Variants in PCDH15 observed in about 807,000 individuals in gnomAD.
PCDH15 encodes protocadherin related 15.
PCDH15 carries 129 observed loss-of-function variants against 178.5 expected under a neutral mutation model. That is an observed-to-expected ratio of 0.72 (90% CI 0.63 to 0.84). The LOEUF (loss-of-function observed/expected upper bound fraction) is 0.84. Ranked by LOEUF, PCDH15 falls within the 40% of genes least tolerant of loss-of-function variation. The probability of loss-of-function intolerance (pLI) is 0.00; values close to 1 mark genes in which losing one functional copy is unlikely to be tolerated. For synonymous variants in PCDH15, 800 were observed against 732.0 expected (o/e 1.09, Z -1.50); for missense variants, 2,230 against 2,099.9 (o/e 1.06, Z -1.21).
chr10:55,089,812 C>T (rs960745088), intron 2 of PCDH15, among the ~76,000 whole-genome samples: 1 of 152,040 alleles, frequency 6.6e-6, no homozygotes, highest in African/African-American at 2.4e-5. Context: ...AAGCCCCATG[C>T]CTTTCCTAGA....
At chr10:54,952,731 C>A (rs1838377388) in intron 2 of PCDH15, among the ~76,000 whole-genome samples, 1 of 151,486 alleles carries the variant, frequency 6.6e-6, no homozygotes, top group Non-Finnish European at 1.5e-5. Flanking sequence ...ATTTTTTACC[C>A]AAGTATTTCA....
intron 8 of PCDH15, among the ~76,000 whole-genome samples, chr10:54,300,068 T>C (rs1431562967): frequency 6.6e-6 from 1 of 152,166 alleles, no homozygotes; most frequent in Non-Finnish European, 1.5e-5. Flanking sequence ...CGAAGTAGAC[T>C]CTTTGGCAGC....
chr10:55,307,038 T>C (rs569293537), intron 1 of PCDH15, among the ~76,000 whole-genome samples: 4 of 151,998 alleles, frequency 2.6e-5, no homozygotes, highest in South Asian at 2.1e-4. Context: ...AAAGGAATAA[T>C]TGTAATAATG....
At chr10:54,631,560 C>A (rs976193240) in intron 2 of PCDH15, among the ~76,000 whole-genome samples, 1 of 152,050 alleles carries the variant, frequency 6.6e-6, no homozygotes, top group Admixed American at 6.6e-5. Context: ...GGGATACACA[C>A]TAAGGAAAAT....
At chr10:54,759,931 TCTC>T (rs1288903218) in intron 1 of PCDH15, among the ~76,000 whole-genome samples, 1 of 152,128 alleles carries the variant, frequency 6.6e-6, no homozygotes, top group Admixed American at 6.6e-5. Flanking sequence ...ATTAGTGCCT[TCTC>T]CTGTTTCCTG....
intron 37 of PCDH15, 70 bp downstream of exon 37, chr10:53,810,486 G>T (rs910722894): frequency 7.4e-7 from 1 of 1,352,900 alleles, no homozygotes; most frequent in Non-Finnish European, 1.1e-6. Flanking sequence ...TTCTACAGCC[G>T]CTAGTCACGT....
chr10:54,941,254 G>T (rs756549909), intron 2 of PCDH15, among the ~76,000 whole-genome samples: 6 of 151,926 alleles, frequency 3.9e-5, no homozygotes, highest in Non-Finnish European at 7.4e-5. Context: ...TTTAACTCCA[G>T]TGAGATACAG....
At chr10:54,576,717 T>A (rs1249295044) in intron 2 of PCDH15, among the ~76,000 whole-genome samples, 2 of 152,162 alleles carry the variant, frequency 1.3e-5, no homozygotes, top group African/African-American at 4.8e-5. Context: ...TGGACACTGG[T>A]TAACACAGTA....
chr10:54,064,923 T>C (rs2094108494), intron 18 of PCDH15, among the ~76,000 whole-genome samples: 7 of 152,082 alleles, frequency 4.6e-5, no homozygotes, highest in Admixed American at 4.6e-4. Flanking sequence ...CCCTGCCAAC[T>C]TGGAAGGGGG....
intron 3 of PCDH15, among the ~76,000 whole-genome samples, chr10:54,887,114 A>T (rs1954373033): frequency 1.3e-5 from 2 of 152,210 alleles, no homozygotes; most frequent in African/African-American, 4.8e-5. Flanking sequence ...GGAAGCAGAT[A>T]ACTAGAGTTA....
At chr10:55,061,915 G>C (rs989293972) in intron 2 of PCDH15, among the ~76,000 whole-genome samples, 1 of 152,290 alleles carries the variant, frequency 6.6e-6, no homozygotes, top group African/African-American at 2.4e-5. Flanking sequence ...AGCTACTCAG[G>C]AGGCTGAGGC....
At chr10:55,443,546 C>A (rs1839244993) in intron 2 of PCDH15, among the ~76,000 whole-genome samples, 1 of 152,160 alleles carries the variant, frequency 6.6e-6, no homozygotes, top group Non-Finnish European at 1.5e-5. Flanking sequence ...CTCATCATCA[C>A]TGGTCATTAG....
chr10:55,172,717 A>G (rs1839371928), intron 1 of PCDH15, among the ~76,000 whole-genome samples: 1 of 152,090 alleles, frequency 6.6e-6, no homozygotes, highest in African/African-American at 2.4e-5. Flanking sequence ...TTTATAGAAT[A>G]TTTATGGTAT....
chr10:55,458,757 G>C (rs1839607284), intron 2 of PCDH15, among the ~76,000 whole-genome samples: 2 of 152,028 alleles, frequency 1.3e-5, no homozygotes, highest in African/African-American at 4.8e-5. Context: ...GAGTTCCTTT[G>C]CAGATAAAAT....
At chr10:54,101,897 C>T (rs755927273) in intron 15 of PCDH15, among the ~76,000 whole-genome samples, 10 of 152,050 alleles carry the variant, frequency 6.6e-5, no homozygotes, top group Non-Finnish European at 1.3e-4. Context: ...ATAACTTGAG[C>T]CCTGGAGGTG....
chr10:55,328,961 T>C (rs1299841236), intron 2 of PCDH15, among the ~76,000 whole-genome samples: 1 of 138,536 alleles, frequency 7.2e-6, no homozygotes, highest in East Asian at 2.2e-4. Context: ...AAATATATAA[T>C]ATGGGGATGT....
intron 2 of PCDH15, chr10:55,575,683 A>G (rs150859928): frequency 3.7e-4 from 56 of 152,332 alleles, no homozygotes; most frequent in African/African-American, 1.3e-3. Flanking sequence ...TCCGCAGTGC[A>G]TTCCTCTCCA....
At chr10:55,456,421 A>C (rs1265112619) in intron 2 of PCDH15, among the ~76,000 whole-genome samples, 2 of 152,050 alleles carry the variant, frequency 1.3e-5, no homozygotes, top group Non-Finnish European at 2.9e-5. Flanking sequence ...GAACATTATG[A>C]TCATTTATTT....
chr10:54,358,569 T>C (rs1945433749), intron 5 of PCDH15, among the ~76,000 whole-genome samples: 1 of 151,870 alleles, frequency 6.6e-6, no homozygotes, highest in South Asian at 2.1e-4. Flanking sequence ...GGTGGGACTG[T>C]AAACTAGTTC....
Sources: allele counts gnomAD v4.1 joint callset (sites outside exome capture counted in the v4.1 genomes callset), GRCh38; gene constraint gnomAD v4.1.1; transcripts MANE v1.5; gene names NCBI Gene and HGNC (gene_info 2026-07-23, HGNC 2026-07-21).